UBE2L3: variants seen among roughly 807,000 people sequenced by gnomAD.
The protein encoded by UBE2L3 is ubiquitin conjugating enzyme E2 L3, also known as ubiquitin-conjugating enzyme E2 L3.
Under a neutral mutation model 17.8 loss-of-function variants are expected in UBE2L3, and 1 was observed. The ratio of observed to expected loss-of-function variants is 0.06; its 90% CI spans 0.02 to 0.27. UBE2L3 has a LOEUF of 0.27. UBE2L3 is among the 10% of genes least tolerant of loss of function. The probability of loss-of-function intolerance (pLI) is 1.00; values close to 1 mark genes in which losing one functional copy is unlikely to be tolerated. For missense variants in UBE2L3, 40 were observed against 192.6 expected (o/e 0.21, Z 4.69); for synonymous variants, 44 against 68.5 (o/e 0.64, Z 1.76).
At chr22:21,612,307 A>C (rs1226035930) in intron 3 of UBE2L3, among the ~76,000 whole-genome samples, 1 of 152,064 alleles carries the variant, frequency 6.6e-6, no homozygotes, top group Non-Finnish European at 1.5e-5. Context: ...AGTTCTTCTC[A>C]GTGCCTGGTT....
chr22:21,563,570 A>AC (rs1926527726), upstream of UBE2L3, among the ~76,000 whole-genome samples: 2 of 145,976 alleles, frequency 1.4e-5, no homozygotes, highest in Non-Finnish European at 1.5e-5. Context: ...CAAAAAAAAA[A>AC]AATTAATACT....
At chr22:21,567,961 C>G in intron 1 of UBE2L3, 190 bp downstream of exon 1, 1 of 1,379,130 alleles carries the variant, frequency 7.3e-7, no homozygotes. Context: ...TGGGCGGGAG[C>G]GCAAGGCCGC....
chr22:21,610,478 A>C (rs925745933), intron 2 of UBE2L3, among the ~76,000 whole-genome samples: 1 of 152,202 alleles, frequency 6.6e-6, no homozygotes, highest in African/African-American at 2.4e-5. Context: ...ATTGGTGGTA[A>C]CAAATTTGCC....
intron 2 of UBE2L3, among the ~76,000 whole-genome samples, chr22:21,609,426 T>G (rs1351264902): frequency 6.6e-6 from 1 of 152,004 alleles, no homozygotes; most frequent in African/African-American, 2.4e-5. Context: ...AAGAAATGAG[T>G]CTGGGTGCAG....
chr22:21,607,368 A>T (rs906369207), intron 2 of UBE2L3, among the ~76,000 whole-genome samples: 1 of 151,342 alleles, frequency 6.6e-6, no homozygotes, highest in Non-Finnish European at 1.5e-5. Context: ...AAAAAAAATT[A>T]GTCGGGCAGG....
At chr22:21,607,483 C>G (rs986355169) in intron 2 of UBE2L3, among the ~76,000 whole-genome samples, 8 of 148,934 alleles carry the variant, frequency 5.4e-5, no homozygotes, top group Non-Finnish European at 1.2e-4. Context: ...CCACTGCACT[C>G]CAGCCTGGGC....
rs535998511 is a variant in UBE2L3, at chr22:21,621,734, G to A, written c.*65G>A. The stretch of plus-strand genomic sequence containing the variant: ...CCCGTGCAGTGCATTCAGACACCCC[G>A]CAAAGCAGGACTCTGTGGAAATTGA... On this transcript the variant is annotated 3_prime_UTR_variant, in exon 4 of 4. Transcript: ENST00000342192. The A allele has an allele frequency of 1.1e-5, 13 of 1,215,746 alleles. No homozygotes were observed. The highest frequency in any genetic ancestry group is 9.5e-5 in the Admixed American group (4 of 42,310). 75.3% of individuals were successfully genotyped at this position (1,215,746 alleles called of 1,614,324 possible).
At chr22:21,593,151 G>A (rs548654027) in intron 2 of UBE2L3, among the ~76,000 whole-genome samples, 195 bp downstream of exon 2, 2 of 152,208 alleles carry the variant, frequency 1.3e-5, no homozygotes, top group South Asian at 2.1e-4. Flanking sequence ...CTTGGCACTC[G>A]TTTTGTCAAA....
At chr22:21,620,180 T>C (rs1379168322) in intron 3 of UBE2L3, among the ~76,000 whole-genome samples, 1 of 151,764 alleles carries the variant, frequency 6.6e-6, no homozygotes, top group African/African-American at 2.4e-5. Context: ...CCAACTACTC[T>C]CAAGGCCAAG....
At chr22:21,610,003 G>A (rs5998663) in intron 2 of UBE2L3, among the ~76,000 whole-genome samples, 29 of 152,236 alleles carry the variant, frequency 1.9e-4, no homozygotes, top group African/African-American at 7.0e-4. Flanking sequence ...TCTAGCCTGG[G>A]CAACAGACTC....
intron 1 of UBE2L3, among the ~76,000 whole-genome samples, chr22:21,561,110 C>T (rs1010268128): frequency 1.3e-5 from 2 of 152,250 alleles, no homozygotes; most frequent in African/African-American, 2.4e-5. Context: ...CTTGGTCTGG[C>T]CCTCACAGTC....
At chr22:21,584,179 T>A (rs1216297876) in intron 1 of UBE2L3, among the ~76,000 whole-genome samples, 1 of 80,616 alleles carries the variant, frequency 1.2e-5, no homozygotes, top group Non-Finnish European at 2.5e-5. Context: ...CTGGCCTAAA[T>A]TTTTTTTTTT....
intron 2 of UBE2L3, among the ~76,000 whole-genome samples, chr22:21,598,662 C>T (rs1427051580): frequency 6.6e-6 from 1 of 150,930 alleles, no homozygotes; most frequent in Non-Finnish European, 1.5e-5. Context: ...AGTTCAAAAC[C>T]AGCTTGGGCA....
chr22:21,585,820 G>A (rs575403012), intron 1 of UBE2L3, among the ~76,000 whole-genome samples: 1 of 152,306 alleles, frequency 6.6e-6, no homozygotes, highest in East Asian at 1.9e-4. Flanking sequence ...GTTGCACCAA[G>A]AGCTTTAGTT....
chr22:21,584,501 T>C (rs1927826473), intron 1 of UBE2L3, among the ~76,000 whole-genome samples: 8 of 151,560 alleles, frequency 5.3e-5, no homozygotes, highest in Admixed American at 5.3e-4. Flanking sequence ...ATTTTAAGTT[T>C]TATTTTATTT....
intron 3 of UBE2L3, among the ~76,000 whole-genome samples, chr22:21,615,351 T>G (rs8137950): frequency 0.047 from 7,097 of 151,434 alleles, 576 homozygotes; most frequent in African/African-American, 0.16. Context: ...GTCAGGAGAT[T>G]GAGACCATCC....
At chr22:21,567,975 G>T in intron 1 of UBE2L3, 1 of 1,370,512 alleles carries the variant, frequency 7.3e-7, no homozygotes, top group Non-Finnish European at 9.4e-7. Flanking sequence ...AGGCCGCGCT[G>T]GGAGCCGCTG....
intron 3 of UBE2L3, among the ~76,000 whole-genome samples, chr22:21,620,579 T>C (rs1329362579): frequency 2.0e-5 from 3 of 152,178 alleles, no homozygotes; most frequent in Non-Finnish European, 2.9e-5. Context: ...CAGCTGCTTC[T>C]GATTCCCCAC....
At chr22:21,568,399 G>A in intron 1 of UBE2L3, 1 of 985,442 alleles carries the variant, frequency 1.0e-6, no homozygotes, top group Non-Finnish European at 1.2e-6. Context: ...CTCCAGGAAG[G>A]CCTGAGGTCG....
Sources: allele counts gnomAD v4.1 joint callset (sites outside exome capture counted in the v4.1 genomes callset), GRCh38; gene constraint gnomAD v4.1.1; transcripts MANE v1.5; gene names NCBI Gene and HGNC (gene_info 2026-07-23, HGNC 2026-07-21).